Variants in INPP4B observed in about 807,000 individuals in gnomAD.
INPP4B encodes inositol polyphosphate 4-phosphatase type II.
Under a neutral mutation model 122.5 loss-of-function variants are expected in INPP4B, and 55 were observed. The ratio of observed to expected loss-of-function variants is 0.45; its 90% CI spans 0.36 to 0.56. The LOEUF (loss-of-function observed/expected upper bound fraction) is 0.56. INPP4B is among the 20% of genes least tolerant of loss of function. The probability of loss-of-function intolerance (pLI) is 0.00; values close to 1 mark genes in which losing one functional copy is unlikely to be tolerated. For synonymous variants in INPP4B, 403 were observed against 388.7 expected (o/e 1.04, Z -0.43); for missense variants, 1,000 against 1,097.7 (o/e 0.91, Z 1.26).
intron 14 of INPP4B, among the ~76,000 whole-genome samples, chr4:142,203,613 T>C (rs1236589183): frequency 1.3e-5 from 2 of 152,086 alleles, no homozygotes; most frequent in Non-Finnish European, 2.9e-5. Context: ...TGAATAAGGA[T>C]GAAAAACTTA....
intron 2 of INPP4B, among the ~76,000 whole-genome samples, chr4:142,610,489 A>G (rs985903631): frequency 1.3e-5 from 2 of 152,194 alleles, no homozygotes; most frequent in Admixed American, 6.5e-5. Context: ...TTGTATATTT[A>G]ATAAAAATTA....
At chr4:142,537,993 C>A (rs1368698754) in intron 2 of INPP4B, among the ~76,000 whole-genome samples, 2 of 151,906 alleles carry the variant, frequency 1.3e-5, no homozygotes, top group East Asian at 3.9e-4. Flanking sequence ...ATTTTTAATA[C>A]CTTAACTTTA....
chr4:142,639,006 A>AT (rs1400741643), intron 2 of INPP4B, among the ~76,000 whole-genome samples: 2 of 152,068 alleles, frequency 1.3e-5, no homozygotes, highest in African/African-American at 4.8e-5. Context: ...GTTTAGTCAA[A>AT]TTTTTTTGTT....
At chr4:142,123,798 C>T (rs1245432082) in intron 19 of INPP4B, among the ~76,000 whole-genome samples, 1 of 152,062 alleles carries the variant, frequency 6.6e-6, no homozygotes, top group Non-Finnish European at 1.5e-5. Flanking sequence ...AACACAATGA[C>T]GAAACATGTA....
intron 15 of INPP4B, among the ~76,000 whole-genome samples, chr4:142,177,915 C>T (rs1829064443): frequency 6.6e-6 from 1 of 152,060 alleles, no homozygotes; most frequent in Admixed American, 6.6e-5. Context: ...TTTTCCTATC[C>T]TCTTGCTCCA....
At chr4:142,233,934 G>A (rs571255571) in intron 12 of INPP4B, among the ~76,000 whole-genome samples, 5 of 152,190 alleles carry the variant, frequency 3.3e-5, no homozygotes, top group South Asian at 2.1e-4. Context: ...TCTTGCATAT[G>A]TAAGTACATC....
At chr4:142,099,347 TTCCTCAGCCATC>T (rs1186426466) in intron 23 of INPP4B, among the ~76,000 whole-genome samples, 1 of 152,178 alleles carries the variant, frequency 6.6e-6, no homozygotes, top group African/African-American at 2.4e-5. Context: ...ATATGAAGAA[TTCCTCAGCCATC>T]TCGATGTTTC....
intron 16 of INPP4B, among the ~76,000 whole-genome samples, chr4:142,164,879 T>C (rs1169489289): frequency 6.6e-6 from 1 of 151,714 alleles, no homozygotes; most frequent in Non-Finnish European, 1.5e-5. Context: ...ATTAAAAACG[T>C]GAGCTACTGT....
Position 142,204,987 on chromosome 4 carries a change from C to T in INPP4B, c.1072+3438G>A, listed in dbSNP as rs556573687. 7.2e-5 allele frequency among the ~76,000 whole-genome samples: 11 copies of T among 152,172 alleles called. No homozygotes were observed. The East Asian group carries it at 7.7e-4, about 11-fold the overall frequency. On this transcript the variant is annotated intron_variant, in intron 14 of 25. Transcript: ENST00000262992. ...CCAAACAAGTTAGAAAATGCTTGCACGTGTAAACACACAGACACACACACA... is the reference window on the plus strand; with the variant it reads ...CCAAACAAGTTAGAAAATGCTTGCATGTGTAAACACACAGACACACACACA...
intron 25 of INPP4B, among the ~76,000 whole-genome samples, chr4:142,056,174 G>A (rs1757602180): frequency 1.3e-5 from 2 of 152,072 alleles, no homozygotes; most frequent in Admixed American, 1.3e-4. Flanking sequence ...CTCACCCACT[G>A]TTCACCTCCT....
At chr4:142,702,048 C>G (rs1488989199) in intron 2 of INPP4B, among the ~76,000 whole-genome samples, 1 of 152,172 alleles carries the variant, frequency 6.6e-6, no homozygotes, top group Non-Finnish European at 1.5e-5. Flanking sequence ...TTAGCCAAGT[C>G]AAGCCTAAGT....
intron 1 of INPP4B, among the ~76,000 whole-genome samples, chr4:142,818,545 T>C (rs1170650771): frequency 6.6e-6 from 1 of 152,130 alleles, no homozygotes; most frequent in Non-Finnish European, 1.5e-5. Flanking sequence ...AATAATATAC[T>C]TCAAAATCTT....
intron 2 of INPP4B, among the ~76,000 whole-genome samples, chr4:142,565,390 C>G (rs945725449): frequency 6.6e-6 from 1 of 152,116 alleles, no homozygotes; most frequent in African/African-American, 2.4e-5. Context: ...CACTGAATAA[C>G]AAAATAAATC....
chr4:142,178,643 G>A (rs1193941773), intron 15 of INPP4B, among the ~76,000 whole-genome samples: 1 of 151,940 alleles, frequency 6.6e-6, no homozygotes, highest in Non-Finnish European at 1.5e-5. Flanking sequence ...ATGATTAACA[G>A]GCAAGGAGAA....
intron 5 of INPP4B, among the ~76,000 whole-genome samples, chr4:142,416,545 A>G (rs964160642): frequency 5.9e-5 from 9 of 152,124 alleles, no homozygotes; most frequent in Non-Finnish European, 7.4e-5. Flanking sequence ...ATATTTTACC[A>G]GTAGAATTAA....
At chr4:142,214,246 A>T (rs1846096011) in intron 12 of INPP4B, among the ~76,000 whole-genome samples, 2 of 152,168 alleles carry the variant, frequency 1.3e-5, no homozygotes, top group South Asian at 4.1e-4. Context: ...AAGCACTAGT[A>T]CATTCTAGAA....
At chr4:142,566,952 T>C (rs13137056) in intron 2 of INPP4B, among the ~76,000 whole-genome samples, 23,277 of 152,158 alleles carry the variant, frequency 0.15, 1,872 homozygotes, top group South Asian at 0.18. Flanking sequence ...GTTCAGAGCC[T>C]TGTAAGGTTT....
intron 7 of INPP4B, among the ~76,000 whole-genome samples, chr4:142,401,569 A>G (rs1044059154): frequency 3.9e-5 from 6 of 152,226 alleles, no homozygotes; most frequent in Non-Finnish European, 8.8e-5. Context: ...TATTTATAAG[A>G]AAGCATGAGG....
chr4:142,650,831 G>C (rs1245775384), intron 2 of INPP4B, among the ~76,000 whole-genome samples: 1 of 152,234 alleles, frequency 6.6e-6, no homozygotes, highest in African/African-American at 2.4e-5. Context: ...AGGTTAACAA[G>C]GATATCCAGG....
Sources: gnomAD v4.1 joint callset for allele counts (sites outside exome capture counted in the v4.1 genomes callset) on GRCh38, gnomAD v4.1.1 for gene constraint, MANE v1.5 for transcripts, NCBI Gene and HGNC (gene_info 2026-07-23, HGNC 2026-07-21) for gene names.